The following LSS variants were observed in gnomAD, a reference collection of about 807,000 sequenced individuals.
The protein encoded by LSS is 2,3-epoxysqualene-lanosterol cyclase.
LSS carries 90 observed loss-of-function variants against 110.3 expected under a neutral mutation model. The observed-to-expected ratio is 0.82, with a 90% CI of 0.69 to 0.97. The LOEUF is 0.97. Among genes scored for constraint, LSS ranks in the 50% least tolerant of loss-of-function variants. The pLI is 0.00. For synonymous variants in LSS, 433 were observed against 400.0 expected, an observed-to-expected ratio of 1.08 and a Z score of -0.98; for missense variants, 927 against 990.0, an observed-to-expected ratio of 0.94 and a Z score of 0.85.
At chr21:46,217,824 A>G (rs1385387292) in intron 6 of LSS, among the ~76,000 whole-genome samples, 1 of 151,926 alleles carries the variant, frequency 6.6e-6, no homozygotes, top group Non-Finnish European at 1.5e-5. Flanking sequence ...CTCATTACAC[A>G]CGGGCGAGGC....
chr21:46,201,999 T>C (rs1035100484), intron 17 of LSS, among the ~76,000 whole-genome samples: 5 of 150,764 alleles, frequency 3.3e-5, no homozygotes, highest in Non-Finnish European at 7.4e-5. Flanking sequence ...TTTCACCGTG[T>C]TAGCCAGGAT....
intron 15 of LSS, 84 bp downstream of exon 15, chr21:46,207,344 T>TGGAGC: frequency 6.6e-7 from 1 of 1,519,310 alleles, no homozygotes; most frequent in Non-Finnish European, 8.9e-7. Flanking sequence ...TGTGCTGGGC[T>TGGAGC]GGAGCCCACA....
At chr21:46,212,435 G>A (rs1383604884) in intron 11 of LSS, among the ~76,000 whole-genome samples, 4 of 152,340 alleles carry the variant, frequency 2.6e-5, no homozygotes, top group Non-Finnish European at 2.9e-5. Context: ...ACAGAGGGGC[G>A]CAGGCTCAGC....
chr21:46,227,468 T>C, intron 3 of LSS, 84 bp downstream of exon 3: 1 of 1,520,436 alleles, frequency 6.6e-7, no homozygotes, highest in Non-Finnish European at 8.9e-7. Flanking sequence ...ACCTGCTTCA[T>C]CAAAACCCTA....
At chr21:46,204,536 C>A (rs187444275) in intron 17 of LSS, among the ~76,000 whole-genome samples, 1 of 150,042 alleles carries the variant, frequency 6.7e-6, no homozygotes, top group Non-Finnish European at 1.5e-5. Flanking sequence ...CAGACTGATA[C>A]AAAAATGGAA....
At chr21:46,228,391 C>T (rs2080383360) in intron 2 of LSS, 43 bp downstream of exon 2, 9 of 1,594,862 alleles carry the variant, frequency 5.6e-6, no homozygotes, top group Non-Finnish European at 5.1e-6. Flanking sequence ...CGGCTCACCC[C>T]TCAGGGTCCC....
intron 19 of LSS, among the ~76,000 whole-genome samples, chr21:46,195,163 G>A (rs1395735586): frequency 1.3e-5 from 2 of 152,226 alleles, no homozygotes; most frequent in African/African-American, 2.4e-5. Context: ...GGAGGCATCT[G>A]TATGCCTGGA....
chr21:46,212,072 GA>G (rs1402561044), intron 11 of LSS, among the ~76,000 whole-genome samples: 1 of 142,484 alleles, frequency 7.0e-6, no homozygotes, highest in African/African-American at 2.6e-5. Context: ...GCAGGGAGGG[GA>G]CAGGGAGGGG....
intron 17 of LSS, among the ~76,000 whole-genome samples, chr21:46,204,752 T>C (rs1389467554): frequency 2.6e-5 from 4 of 152,208 alleles, no homozygotes; most frequent in Admixed American, 6.5e-5. Context: ...AGAAATATTA[T>C]GAATATTACA....
Position 46,191,021 on chromosome 21 carries a change from GT to G in LSS, c.*82del. 6.5e-7 allele frequency: 1 copy of G among 1,540,498 alleles called. No individual in the cohort carries two copies. Among genetic ancestry groups the G allele is most frequent in the Non-Finnish European group, 8.9e-7 (1 of 1,125,224 alleles). On this transcript the variant is annotated 3_prime_UTR_variant, in exon 22 of 22. Coordinates refer to ENST00000397728, the MANE Select transcript of LSS (RefSeq NM_002340.6). Reference sequence around the variant, plus strand: ...TTGAGGGGTTGGAGCCCAAGACAGGGTTATGGGAGGGCTCCCCAACCCGGCC... The same window carrying G: ...TTGAGGGGTTGGAGCCCAAGACAGGGTATGGGAGGGCTCCCCAACCCGGCC...
At chr21:46,197,065 C>T (rs1018732305) in intron 17 of LSS, among the ~76,000 whole-genome samples, 2 of 152,228 alleles carry the variant, frequency 1.3e-5, no homozygotes, top group Non-Finnish European at 2.9e-5. Context: ...TGCGAGGCCG[C>T]GCCTGGACTT....
intron 5 of LSS, among the ~76,000 whole-genome samples, chr21:46,221,333 G>A (rs1042173252): frequency 7.0e-6 from 1 of 143,814 alleles, no homozygotes; most frequent in Non-Finnish European, 1.5e-5. Flanking sequence ...GAAACAAACA[G>A]AATTACCTGG....
Position 46,221,872 on chromosome 21 carries a change from T to C in LSS, c.532A>G (p.Asn178Asp). The change falls in exon 5 of 22, where the codon AAC becomes GAC. Residue 178 changes from asparagine to aspartate, a missense_variant. Asn to Asp is a conservative substitution (Grantham distance 23, BLOSUM62 1). Transcript: ENST00000397728. ...GCCGTACCTTTCTTGTGAAGAATGTTCCGGGCTCGTACCAGGTCAGGATCG... is the reference window on the plus strand; with the variant it reads ...GCCGTACCTTTCTTGTGAAGAATGTCCCGGGCTCGTACCAGGTCAGGATCG... Reference protein sequence around the residue: ...PDDPDLVRARNILHKKGGAVA... With the variant: ...PDDPDLVRARDILHKKGGAVA... The C allele has an allele frequency of 1.2e-6, 2 of 1,614,142 alleles. No individual in the cohort carries two copies. The highest frequency in any genetic ancestry group is 1.7e-6 in the Non-Finnish European group (2 of 1,180,026).
chr21:46,218,398 C>T (rs945676344), intron 6 of LSS, among the ~76,000 whole-genome samples: 3 of 152,070 alleles, frequency 2.0e-5, no homozygotes, highest in Admixed American at 6.5e-5. Context: ...CCAAGGCAGG[C>T]GGATCACCTG....
intron 3 of LSS, 23 bp from the exon 4 acceptor site, chr21:46,222,761 C>T: frequency 2.5e-6 from 4 of 1,582,244 alleles, no homozygotes; most frequent in Non-Finnish European, 2.6e-6. Flanking sequence ...AGAGATGTTC[C>T]TCACTGGGGA....
chr21:46,206,382 A>T (rs1209045179), intron 16 of LSS, among the ~76,000 whole-genome samples: 1 of 152,188 alleles, frequency 6.6e-6, no homozygotes, highest in African/African-American at 2.4e-5. Flanking sequence ...ACAGAACACA[A>T]GCCCTGTGGA....
intron 17 of LSS, among the ~76,000 whole-genome samples, chr21:46,204,542 T>C (rs773206639): frequency 6.7e-6 from 1 of 149,852 alleles, no homozygotes; most frequent in Non-Finnish European, 1.5e-5. Flanking sequence ...GATACAAAAA[T>C]GGAAAATCTG....
chr21:46,223,771 A>G (rs2080305135), intron 3 of LSS, among the ~76,000 whole-genome samples: 1 of 152,200 alleles, frequency 6.6e-6, no homozygotes. Context: ...CAGGAGTGCG[A>G]GCCTTCTGTT....
In LSS at chr21:46,207,466, G is replaced by A; in HGVS notation, c.1429C>T (p.His477Tyr). 1 of 1,612,484 alleles carries A rather than the reference G, an allele frequency of 6.2e-7. No homozygotes were observed. The highest frequency in any genetic ancestry group is 8.5e-7 in the Non-Finnish European group (1 of 1,179,588). The change falls in exon 15 of 22, where the codon CAC (histidine) becomes TAC (tyrosine). Residue 477 changes from histidine to tyrosine, a missense_variant. Physicochemically the swap from His to Tyr is moderately conservative, Grantham distance 83 (BLOSUM62 2). Coordinates refer to ENST00000397728, the MANE Select transcript of LSS (RefSeq NM_002340.6). ...TCGCAGAGCCGTTCTCTGGGGATGT[G>A]CTCGGTGACATGGGGACACTTCTCC... Reference protein sequence around the residue: ...LQEKCPHVTEHIPRERLCDAV... With the variant: ...LQEKCPHVTEYIPRERLCDAV...
Sources: gnomAD v4.1 joint callset for allele counts (sites outside exome capture counted in the v4.1 genomes callset) on GRCh38, gnomAD v4.1.1 for gene constraint, MANE v1.5 for transcripts, NCBI Gene and HGNC (gene_info 2026-07-23, HGNC 2026-07-21) for gene names.